GARNL3: variants seen among roughly 807,000 people sequenced by gnomAD.
GARNL3 encodes GTPase-activating Rap/Ran-GAP domain-like protein 3.
GARNL3 carries 63 observed loss-of-function variants against 125.0 expected under a neutral mutation model. The observed-to-expected ratio is 0.50, with a 90% CI of 0.41 to 0.62. The LOEUF (loss-of-function observed/expected upper bound fraction) is 0.62. GARNL3 is among the 20% of genes least tolerant of loss of function. The pLI, the probability that GARNL3 is intolerant of heterozygous loss-of-function variation, is 0.00. For synonymous variants in GARNL3, 439 were observed against 457.5 expected (o/e 0.96, Z 0.52); for missense variants, 994 against 1,244.0 (o/e 0.80, Z 3.02).
chr9:127,328,485 A>G (rs1278936267), intron 7 of GARNL3, among the ~76,000 whole-genome samples: 2 of 152,204 alleles, frequency 1.3e-5, no homozygotes, highest in Non-Finnish European at 2.9e-5. Context: ...CTTTGGTAAA[A>G]TGATGTCAGT....
chr9:127,281,208 T>C (rs2131332307), intron 1 of GARNL3, among the ~76,000 whole-genome samples: 1 of 152,264 alleles, frequency 6.6e-6, no homozygotes, highest in East Asian at 1.9e-4. Context: ...GGTCCCATGA[T>C]GCCACAGCTG....
chr9:127,389,081 T>C lies in GARNL3; in HGVS notation c.2705T>C (p.Ile902Thr). Residue 902 changes from isoleucine to threonine, a missense_variant, in exon 26 of 28, where the codon ATC becomes ACC. Physicochemically the swap from Ile to Thr is moderately conservative, Grantham distance 89. Around this residue, in one of 5 missense-constraint regions of GARNL3, gnomAD observed 728 missense variants for 865.7 expected, o/e 0.84. Coordinates refer to ENST00000373387, the MANE Select transcript of GARNL3 (RefSeq NM_032293.5). ...THSLSLSRME[I>T]KEIASRTRRE... ...TCCTTGTCCCTGTCTCGCATGGAGA[T>C]CAAAGAAATAGCAAGCAGGACCCGC... 1 of 1,614,056 alleles carries C rather than the reference T, an allele frequency of 6.2e-7. No homozygotes were observed. Among genetic ancestry groups the C allele is most frequent in the East Asian group, 2.2e-5 (1 of 44,900 alleles).
chr9:127,345,407 T>C lies in GARNL3; in HGVS notation c.1361T>C (p.Leu454Pro). 6.2e-7 allele frequency: 1 copy of C among 1,603,688 alleles called. No individual in the cohort carries two copies. The highest frequency in any genetic ancestry group is 1.1e-5 in the South Asian group (1 of 89,064). Reference sequence around the variant, plus strand: ...TAGAGATCTCTGTTCTGTAAGGCACTAAAACTGAAATCCATTGTGAGAGGG... The same window carrying C: ...TAGAGATCTCTGTTCTGTAAGGCACCAAAACTGAAATCCATTGTGAGAGGG... ...QAEFVRIGQA[L>P]KLKSIVRGDA... The change falls in exon 16 of 28, where the codon CTA becomes CCA. Residue 454 changes from leucine (L) to proline (P), a missense_variant. Transcript: ENST00000373387.
At position 127,336,235 on chromosome 9, in the gene GARNL3, A is replaced by G. The variant is rs1329044998; in HGVS notation, c.981A>G (p.Thr327=). 1.2e-6 allele frequency: 2 copies of G among 1,605,572 alleles called. No homozygotes were observed. Among genetic ancestry groups the G allele is most frequent in the South Asian group, 2.2e-5 (2 of 90,858 alleles). ...CTTCCATGATCCGCTCCCACTTTAC[A>G]CGTATCCTGGGCCTTTGTAAATGCT... ...FKPSMIRSHF[T]HIFALVRYNQ... is the part of the protein sequence containing the mutation. The change falls in exon 11 of 28, where the codon ACA becomes ACG. Residue 327 remains threonine (T), a splice_region_variant and synonymous_variant. Transcript: ENST00000373387.
chr9:127,374,923 A>AAAAC (rs1554734611), intron 22 of GARNL3, among the ~76,000 whole-genome samples: 3 of 151,524 alleles, frequency 2.0e-5, no homozygotes, highest in East Asian at 3.9e-4. Flanking sequence ...AAAAAAAAAA[A>AAAAC]AACAACAAAG....
At chr9:127,292,424 A>G (rs541601294) in intron 2 of GARNL3, among the ~76,000 whole-genome samples, 26 of 152,348 alleles carry the variant, frequency 1.7e-4, no homozygotes, top group African/African-American at 6.0e-4. Flanking sequence ...AAGGGTTCTC[A>G]GGAGCTAAGC....
chr9:127,263,180 G>A (rs2063628132), upstream of GARNL3, among the ~76,000 whole-genome samples: 1 of 152,188 alleles, frequency 6.6e-6, no homozygotes, highest in Admixed American at 6.5e-5. Context: ...GTGGGTCTAG[G>A]ATATAGGGTT....
At chr9:127,308,933 A>G (rs1193039022) in intron 2 of GARNL3, among the ~76,000 whole-genome samples, 1 of 152,234 alleles carries the variant, frequency 6.6e-6, no homozygotes, top group African/African-American at 2.4e-5. Context: ...GGGGTAAAAC[A>G]TTAACAGTAG....
intron 6 of GARNL3, among the ~76,000 whole-genome samples, chr9:127,323,663 G>T (rs188381848): frequency 1.3e-5 from 2 of 152,290 alleles, no homozygotes; most frequent in Admixed American, 1.3e-4. Flanking sequence ...AGGACTGGGC[G>T]TGAGATTCAG....
chr9:127,343,642 G>T (rs193053290), intron 14 of GARNL3, among the ~76,000 whole-genome samples: 1 of 152,326 alleles, frequency 6.6e-6, no homozygotes, highest in East Asian at 1.9e-4. Flanking sequence ...CTTGCTGATT[G>T]AATGAGCATA....
In GARNL3 at chr9:127,344,318, G is replaced by A. The variant is rs370440969; in HGVS notation, c.1335G>A (p.Ala445=). Residue 445 remains alanine (A), a synonymous_variant, in exon 15 of 28, where the codon GCG becomes GCA. Transcript: ENST00000373387. ...SARKKEEARQ[A]EFVRIGQALK... is the part of the protein sequence containing the mutation. Reference sequence around the variant, plus strand: ...GGAAGAAAGAGGAGGCCCGCCAGGCGGAGTTTGTTAGAATAGGGCAGGTGG... The same window carrying A: ...GGAAGAAAGAGGAGGCCCGCCAGGCAGAGTTTGTTAGAATAGGGCAGGTGG... 254 of 1,613,752 alleles carry A rather than the reference G, an allele frequency of 1.6e-4. No homozygotes were observed. The East Asian group carries it at 3.8e-3, about 24-fold the overall frequency.
chr9:127,388,663 T>C (rs1008998174), intron 25 of GARNL3: 20 of 539,154 alleles, frequency 3.7e-5, no homozygotes, highest in Non-Finnish European at 1.3e-5. Flanking sequence ...CTAGTCTTTT[T>C]TCCTGTGCAG....
intron 1 of GARNL3, among the ~76,000 whole-genome samples, chr9:127,224,937 C>A (rs1352309981): frequency 2.9e-3 from 52 of 18,178 alleles, no homozygotes; most frequent in Admixed American, 7.0e-3. Flanking sequence ...GTGGGCGGGG[C>A]GTGGGCGGGG....
chr9:127,305,512 G>C (rs922154866), intron 2 of GARNL3, among the ~76,000 whole-genome samples: 2 of 152,070 alleles, frequency 1.3e-5, no homozygotes, highest in African/African-American at 4.8e-5. Flanking sequence ...CTGTGTTTTG[G>C]TTAAGTATTC....
At chr9:127,372,981 C>T (rs1351983324) in intron 22 of GARNL3, among the ~76,000 whole-genome samples, 1 of 152,136 alleles carries the variant, frequency 6.6e-6, no homozygotes, top group East Asian at 1.9e-4. Flanking sequence ...TGAAGGCTGT[C>T]CTTGAGAATA....
chr9:127,312,125 T>C (rs2065114323), intron 3 of GARNL3, among the ~76,000 whole-genome samples: 1 of 152,226 alleles, frequency 6.6e-6, no homozygotes, highest in Admixed American at 6.5e-5. Flanking sequence ...ATTGGTTCCC[T>C]GAGCTCCAGG....
chr9:127,373,528 G>A (rs1017892321), intron 22 of GARNL3, among the ~76,000 whole-genome samples: 2 of 152,206 alleles, frequency 1.3e-5, no homozygotes, highest in Admixed American at 6.5e-5. Flanking sequence ...ACTTTGGGAG[G>A]CTGAGGCAGG....
chr9:127,334,035 C>T (rs1221650597), intron 9 of GARNL3, among the ~76,000 whole-genome samples: 1 of 152,056 alleles, frequency 6.6e-6, no homozygotes, highest in Non-Finnish European at 1.5e-5. Flanking sequence ...ATTCAAGAGC[C>T]ATTTTCATGG....
intron 2 of GARNL3, among the ~76,000 whole-genome samples, chr9:127,254,875 A>C (rs1353244104): frequency 6.6e-6 from 1 of 152,204 alleles, no homozygotes; most frequent in Non-Finnish European, 1.5e-5. Context: ...GGTAGCCCAA[A>C]AGGCCAATAA....
Sources: allele counts gnomAD v4.1 joint callset (sites outside exome capture counted in the v4.1 genomes callset), GRCh38; gene constraint gnomAD v4.1.1; regional missense constraint gnomAD v4.1.1; transcripts MANE v1.5; gene names NCBI Gene and HGNC (gene_info 2026-07-23, HGNC 2026-07-21).